The following KLHL32 variants were observed in gnomAD, a reference collection of about 807,000 sequenced individuals.
The protein encoded by KLHL32 is kelch-like protein 32.
In KLHL32, 35 loss-of-function variants were observed where a neutral mutation model predicts 64.8. The observed-to-expected ratio is 0.54, with a 90% confidence interval of 0.41 to 0.72. The LOEUF (loss-of-function observed/expected upper bound fraction) is 0.72, where lower values mean the gene tolerates loss of function less well. KLHL32 is among the 30% of genes least tolerant of loss of function. The pLI, the probability that KLHL32 is intolerant of heterozygous loss-of-function variation, is 0.00. For synonymous variants in KLHL32, 259 were observed against 281.0 expected, an observed-to-expected ratio of 0.92 and a Z score of 0.78; for missense variants, 589 against 768.5, an observed-to-expected ratio of 0.77 and a Z score of 2.76.
intron 4 of KLHL32, among the ~76,000 whole-genome samples, chr6:97,064,299 A>G (rs1008987812): frequency 3.0e-4 from 46 of 152,218 alleles, no homozygotes; most frequent in South Asian, 2.1e-4. Flanking sequence ...ATAAGATTAT[A>G]TCACAAACTG....
intron 3 of KLHL32, among the ~76,000 whole-genome samples, chr6:96,992,934 G>A (rs566459016): frequency 3.0e-4 from 45 of 152,324 alleles, no homozygotes; most frequent in Non-Finnish European, 5.7e-4. Flanking sequence ...TGCTCTGCTG[G>A]ATTCATGTGC....
intron 3 of KLHL32, among the ~76,000 whole-genome samples, chr6:96,995,758 A>C (rs531706402): frequency 1.3e-5 from 2 of 152,230 alleles, no homozygotes; most frequent in African/African-American, 4.8e-5. Flanking sequence ...GATGTCTCTC[A>C]TGAAGCCCTA....
At chr6:96,955,960 A>C (rs1442881842) in intron 1 of KLHL32, among the ~76,000 whole-genome samples, 1 of 152,150 alleles carries the variant, frequency 6.6e-6, no homozygotes, top group East Asian at 1.9e-4. Context: ...AACAAAAAAT[A>C]TACCCAAGTC....
chr6:96,994,423 T>C, intron 3 of KLHL32: 2 of 819,846 alleles, frequency 2.4e-6, no homozygotes, highest in Non-Finnish European at 2.9e-6. Flanking sequence ...TTATGTTTTT[T>C]TTCCTTTTAG....
chr6:96,986,672 A>T (rs1777130508), intron 3 of KLHL32, among the ~76,000 whole-genome samples: 1 of 152,198 alleles, frequency 6.6e-6, no homozygotes, highest in South Asian at 2.1e-4. Context: ...CCTCCAAGCA[A>T]TGCACGGGAT....
At chr6:97,006,184 G>T (rs1266879160) in intron 3 of KLHL32, among the ~76,000 whole-genome samples, 2 of 152,162 alleles carry the variant, frequency 1.3e-5, no homozygotes. Context: ...ATGAAGCTGG[G>T]TGCCCTTCTA....
chr6:96,990,288 G>A (rs1301776550), intron 3 of KLHL32, among the ~76,000 whole-genome samples: 3 of 152,084 alleles, frequency 2.0e-5, no homozygotes, highest in African/African-American at 7.2e-5. Flanking sequence ...AAAGGGCTGA[G>A]GCTTTGTGCA....
At chr6:96,912,665 A>C in the KLHL32 span, among the ~76,000 whole-genome samples, 2 of 152,230 alleles carry the variant, frequency 1.3e-5, no homozygotes, top group African/African-American at 4.8e-5. Context: ...AAATATGCTT[A>C]GGACTTAAAC....
At chr6:97,042,241 A>G (rs995697818) in intron 4 of KLHL32, among the ~76,000 whole-genome samples, 1 of 152,214 alleles carries the variant, frequency 6.6e-6, no homozygotes, top group Non-Finnish European at 1.5e-5. Context: ...TGGATTTAGT[A>G]TCTTCTATGC....
At chr6:97,018,523 C>CCAGGGAGGCAGAGGTTG in intron 3 of KLHL32, among the ~76,000 whole-genome samples, 1 of 150,556 alleles carries the variant, frequency 6.6e-6, no homozygotes, top group Non-Finnish European at 1.5e-5. Context: ...ATCGCCTGAA[C>CCAGGGAGGCAGAGGTTG]CAGGGAGGCA....
intron 3 of KLHL32, among the ~76,000 whole-genome samples, chr6:96,982,191 CTT>C (rs1291180299): frequency 2.0e-5 from 3 of 152,090 alleles, no homozygotes; most frequent in Non-Finnish European, 4.4e-5. Flanking sequence ...ATTTAAGTCT[CTT>C]TATAGGTCCC....
intron 3 of KLHL32, chr6:96,999,426 GTT>G (rs1778774715): frequency 2.2e-6 from 1 of 452,938 alleles, no homozygotes; most frequent in South Asian, 9.5e-5. Context: ...GTTAATTTCC[GTT>G]TTTGTTTGAA....
chr6:97,066,709 T>C (rs1393690031), intron 5 of KLHL32, among the ~76,000 whole-genome samples: 1 of 152,180 alleles, frequency 6.6e-6, no homozygotes, highest in South Asian at 2.1e-4. Flanking sequence ...TTAAAAAATA[T>C]ATATACCCTG....
intron 3 of KLHL32, among the ~76,000 whole-genome samples, chr6:97,031,712 T>C (rs771640067): frequency 6.6e-5 from 10 of 152,150 alleles, no homozygotes; most frequent in Non-Finnish European, 1.3e-4. Flanking sequence ...TGGTGATGAT[T>C]TTTATAATGG....
At chr6:97,007,528 A>G (rs569073996) in intron 3 of KLHL32, among the ~76,000 whole-genome samples, 2 of 152,322 alleles carry the variant, frequency 1.3e-5, no homozygotes, top group South Asian at 4.1e-4. Context: ...CTGACAAACT[A>G]GCGTGGCTGG....
chr6:97,101,636 G>A lies in KLHL32; in HGVS notation c.628-12147G>A, dbSNP rs374861096. Among the ~76,000 whole-genome samples the A allele has an allele frequency of 3.9e-5, 6 of 152,124 alleles. 1 individual carries two copies. Among genetic ancestry groups the A allele is most frequent in the African/African-American group, 9.7e-5 (4 of 41,414 alleles). ...CATTCATTCATTCATTCATGCATTC[G>A]TTCATGCTTCTCCAACGTTGAATTT... On this transcript the variant is annotated intron_variant, in intron 6 of 10. Coordinates refer to ENST00000369261, the MANE Select transcript of KLHL32 (RefSeq NM_052904.4).
chr6:97,127,499 A>C, intron 8 of KLHL32, 37 bp downstream of exon 8: 1 of 1,518,026 alleles, frequency 6.6e-7, no homozygotes, highest in Non-Finnish European at 9.1e-7. Context: ...TATCTTAATT[A>C]ATGAATTTTA....
intron 1 of KLHL32, among the ~76,000 whole-genome samples, chr6:96,955,743 C>G (rs1041613182): frequency 2.6e-5 from 4 of 152,082 alleles, no homozygotes; most frequent in African/African-American, 7.2e-5. Context: ...TCGAGACCAG[C>G]TAGGCCAACA....
intron 3 of KLHL32, among the ~76,000 whole-genome samples, chr6:97,025,634 G>A (rs1033503501): frequency 6.6e-6 from 1 of 152,128 alleles, no homozygotes; most frequent in African/African-American, 2.4e-5. Context: ...GAATTGAAGG[G>A]CCTACCAGTT....
Sources: allele counts gnomAD v4.1 joint callset (sites outside exome capture counted in the v4.1 genomes callset), GRCh38; gene constraint gnomAD v4.1.1; transcripts MANE v1.5; gene names NCBI Gene and HGNC (gene_info 2026-07-23, HGNC 2026-07-21).